Variants in SPOCK3 observed in about 807,000 individuals in gnomAD.
SPOCK3 encodes testican-3.
Under a neutral mutation model 56.6 loss-of-function variants are expected in SPOCK3, and 30 were observed. The observed-to-expected ratio is 0.53, with a 90% confidence interval of 0.40 to 0.72. SPOCK3 has a LOEUF of 0.72. SPOCK3 is among the 30% of genes least tolerant of loss of function. The pLI is 0.00. For synonymous variants in SPOCK3, 196 were observed against 183.3 expected (o/e 1.07, Z -0.56); for missense variants, 527 against 530.0 (o/e 0.99, Z 0.06).
chr4:167,151,227 C>T (rs1031957209), intron 2 of SPOCK3, among the ~76,000 whole-genome samples: 4 of 152,002 alleles, frequency 2.6e-5, no homozygotes, highest in Non-Finnish European at 5.9e-5. Context: ...AACGCGTAGT[C>T]GAGTTAAAAT....
At chr4:167,163,726 T>C (rs1047082369) in intron 2 of SPOCK3, among the ~76,000 whole-genome samples, 4 of 152,056 alleles carry the variant, frequency 2.6e-5, no homozygotes, top group Non-Finnish European at 5.9e-5. Flanking sequence ...TAACATAATG[T>C]CCTCCAGTTT....
At chr4:167,043,779 A>G (rs577735577) in intron 3 of SPOCK3, among the ~76,000 whole-genome samples, 2 of 152,034 alleles carry the variant, frequency 1.3e-5, no homozygotes, top group South Asian at 4.1e-4. Flanking sequence ...CATTCCCGAG[A>G]TAAACCTCAC....
intron 3 of SPOCK3, among the ~76,000 whole-genome samples, chr4:167,060,941 A>T (rs1204394551): frequency 2.0e-5 from 3 of 152,028 alleles, no homozygotes; most frequent in East Asian, 1.9e-4. Flanking sequence ...TGGAGTAGTG[A>T]CTCAAAATAG....
At chr4:166,742,136 C>A (rs1734909166) in intron 8 of SPOCK3, 77 bp from the exon 9 acceptor site, 1 of 1,091,500 alleles carries the variant, frequency 9.2e-7, no homozygotes, top group Non-Finnish European at 1.4e-6. Flanking sequence ...TATCAAACTT[C>A]ACTTAGTCTT....
chr4:166,865,155 A>C (rs1262891478), intron 6 of SPOCK3, among the ~76,000 whole-genome samples: 1 of 152,184 alleles, frequency 6.6e-6, no homozygotes. Flanking sequence ...GTAATCTATC[A>C]CATAAACAGA....
intron 3 of SPOCK3, among the ~76,000 whole-genome samples, chr4:167,010,817 C>A (rs1028010244): frequency 6.7e-6 from 1 of 149,766 alleles, no homozygotes; most frequent in African/African-American, 2.5e-5. Context: ...GATTAATTTC[C>A]AGTGGGGGGG....
intron 2 of SPOCK3, among the ~76,000 whole-genome samples, chr4:167,140,455 C>T (rs561949652): frequency 1.3e-5 from 2 of 152,082 alleles, no homozygotes; most frequent in South Asian, 4.1e-4. Context: ...CAATTAGATC[C>T]TCTTTTTCCC....
At chr4:167,061,934 T>C (rs1331146294) in intron 3 of SPOCK3, among the ~76,000 whole-genome samples, 2 of 152,062 alleles carry the variant, frequency 1.3e-5, no homozygotes, top group African/African-American at 4.8e-5. Flanking sequence ...AGAAGTATTT[T>C]CATTTTCATC....
At chr4:166,910,993 T>C (rs530502069) in intron 5 of SPOCK3, among the ~76,000 whole-genome samples, 33 of 152,296 alleles carry the variant, frequency 2.2e-4, no homozygotes, top group African/African-American at 7.5e-4. Flanking sequence ...GATTTATACA[T>C]CATTTCCATG....
rs979691211 is a variant in SPOCK3 at position 166,734,337 on chromosome 4, T to C, written c.*584A>G. 1 of 151,848 alleles carries C rather than the reference T, an allele frequency of 6.6e-6. No homozygotes were observed. The highest frequency in any genetic ancestry group is 1.5e-5 in the Non-Finnish European group (1 of 67,828). The allele number at this position is 151,848 out of a possible 1,614,324, so 9.4% of individuals were successfully genotyped here. ...CCATTTTGTAAAATGTCCTATTAGA[T>C]CCAGAATAATTTCATAGGTAAAAAC... On this transcript the variant is annotated 3_prime_UTR_variant, in exon 11 of 11. Coordinates refer to ENST00000357545, the MANE Select transcript of SPOCK3 (RefSeq NM_001040159.2).
chr4:167,051,507 G>A (rs1561161464), intron 3 of SPOCK3, among the ~76,000 whole-genome samples: 2 of 152,138 alleles, frequency 1.3e-5, no homozygotes, highest in South Asian at 2.1e-4. Flanking sequence ...GAAGGACATG[G>A]GCAGACAATC....
chr4:166,787,443 G>A (rs1376647283), intron 7 of SPOCK3, among the ~76,000 whole-genome samples: 1 of 152,130 alleles, frequency 6.6e-6, no homozygotes, highest in East Asian at 1.9e-4. Flanking sequence ...GCTGTTAGAA[G>A]AAACAGGTGA....
intron 3 of SPOCK3, among the ~76,000 whole-genome samples, chr4:167,056,056 G>T (rs1341698830): frequency 1.3e-5 from 2 of 152,184 alleles, no homozygotes; most frequent in Non-Finnish European, 2.9e-5. Context: ...GCACCCCCCA[G>T]TAGGGGCAGA....
rs573702369 is a variant in SPOCK3, at chr4:167,172,075, C to A, written c.189+61910G>T. Among the ~76,000 whole-genome samples the A allele has an allele frequency of 5.9e-5, 9 of 152,054 alleles. No homozygotes were observed. The South Asian group carries it at 1.9e-3, about 32-fold the overall frequency. On this transcript the variant is annotated intron_variant, in intron 2 of 10. Coordinates refer to ENST00000357545, the MANE Select transcript of SPOCK3 (RefSeq NM_001040159.2). ...GACAGCAAAAGTCAGCTGCTTCTGG[C>A]GAGTCTCTAGGCAGAGCAGTCTGTG...
intron 2 of SPOCK3, among the ~76,000 whole-genome samples, chr4:167,086,537 A>G (rs1356615489): frequency 6.6e-6 from 1 of 152,070 alleles, no homozygotes; most frequent in Non-Finnish European, 1.5e-5. Context: ...CTGTGGCTTG[A>G]GGAAAGTTAC....
chr4:166,770,843 C>T (rs62355207), intron 7 of SPOCK3, among the ~76,000 whole-genome samples: 69,565 of 151,612 alleles, frequency 0.46, 16,473 homozygotes, highest in African/African-American at 0.51. Flanking sequence ...ATCATAAAAG[C>T]TGGAGTGGCT....
intron 7 of SPOCK3, among the ~76,000 whole-genome samples, chr4:166,768,244 T>A (rs971830595): frequency 1.3e-5 from 2 of 152,104 alleles, no homozygotes; most frequent in Non-Finnish European, 2.9e-5. Context: ...ATGTTAGCTG[T>A]TTATTTTGCT....
At chr4:166,902,897 T>C (rs1033048129) in intron 5 of SPOCK3, among the ~76,000 whole-genome samples, 2 of 150,824 alleles carry the variant, frequency 1.3e-5, no homozygotes, top group African/African-American at 4.8e-5. Flanking sequence ...AAATGTTTCA[T>C]ACATTAATAT....
At chr4:167,217,276 T>A (rs976361011) in intron 2 of SPOCK3, among the ~76,000 whole-genome samples, 1 of 152,192 alleles carries the variant, frequency 6.6e-6, no homozygotes, top group African/African-American at 2.4e-5. Flanking sequence ...TTCACGTCCA[T>A]GCATTCAACC....
Sources: gnomAD v4.1 joint callset for allele counts (sites outside exome capture counted in the v4.1 genomes callset) on GRCh38, gnomAD v4.1.1 for gene constraint, MANE v1.5 for transcripts, NCBI Gene and HGNC (gene_info 2026-07-23, HGNC 2026-07-21) for gene names.